The following GDAP2 variants were observed in gnomAD, a reference collection of about 807,000 sequenced individuals.
The protein encoded by GDAP2 is ganglioside-induced differentiation-associated protein 2.
Under a neutral mutation model 67.0 loss-of-function variants are expected in GDAP2, and 51 were observed. The ratio of observed to expected loss-of-function variants is 0.76; its 90% CI spans 0.61 to 0.96. The LOEUF is 0.96. Among genes scored for constraint, GDAP2 ranks in the 40% least tolerant of loss-of-function variants. GDAP2 has a pLI of 0.00. For missense variants in GDAP2, 547 were observed against 588.3 expected, an observed-to-expected ratio of 0.93 and a Z score of 0.73; for synonymous variants, 203 against 207.3, an observed-to-expected ratio of 0.98 and a Z score of 0.18.
chr1:117,891,593 T>C (rs768932610), intron 8 of GDAP2, among the ~76,000 whole-genome samples: 3 of 152,102 alleles, frequency 2.0e-5, no homozygotes, highest in Non-Finnish European at 2.9e-5. Flanking sequence ...GGTTATTTGA[T>C]TGTTTCTCAC....
intron 8 of GDAP2, among the ~76,000 whole-genome samples, chr1:117,889,808 G>A (rs1649004070): frequency 6.6e-6 from 1 of 152,006 alleles, no homozygotes; most frequent in South Asian, 2.1e-4. Flanking sequence ...ACAGCAAAAT[G>A]TATATTACAT....
At chr1:117,920,765 G>C (rs1206001342) in intron 1 of GDAP2, among the ~76,000 whole-genome samples, 1 of 151,714 alleles carries the variant, frequency 6.6e-6, no homozygotes, top group African/African-American at 2.4e-5. Context: ...AATAGATGCT[G>C]CAAGAGATAC....
chr1:117,888,018 A>G (rs893515484), intron 8 of GDAP2, among the ~76,000 whole-genome samples: 1 of 152,190 alleles, frequency 6.6e-6, no homozygotes, highest in Non-Finnish European at 1.5e-5. Context: ...CTTATAATCA[A>G]ATGAAGGTTG....
At chr1:117,903,656 G>A (rs1649556410) in intron 6 of GDAP2, among the ~76,000 whole-genome samples, 1 of 151,978 alleles carries the variant, frequency 6.6e-6, no homozygotes, top group South Asian at 2.1e-4. Flanking sequence ...TCTTTTGTAT[G>A]TTGCTGGATT....
chr1:117,904,351 A>G (rs1427658323), intron 6 of GDAP2, among the ~76,000 whole-genome samples: 1 of 152,172 alleles, frequency 6.6e-6, no homozygotes, highest in East Asian at 1.9e-4. Context: ...TTAATCACAT[A>G]CTATTTTGTG....
Position 117,912,695 on chromosome 1 carries a change from G to A in GDAP2, c.317-12C>T, listed in dbSNP as rs1649902879. 4 of 1,608,218 alleles carry A rather than the reference G, an allele frequency of 2.5e-6. 1 individual carries two copies. The highest frequency in any genetic ancestry group is 1.7e-4 in the Middle Eastern group (1 of 6,028). ...ACCTGTTCGGCACCCTGAAAACAATGGAAACACACATAAGTTTGGATGTGT... is the reference window on the plus strand; with the variant it reads ...ACCTGTTCGGCACCCTGAAAACAATAGAAACACACATAAGTTTGGATGTGT... On this transcript the variant is annotated splice_polypyrimidine_tract_variant and intron_variant, in intron 3 of 13. Transcript: ENST00000369443.
chr1:117,876,869 C>A (rs945354765), intron 13 of GDAP2, among the ~76,000 whole-genome samples: 1 of 152,166 alleles, frequency 6.6e-6, no homozygotes, highest in African/African-American at 2.4e-5. Flanking sequence ...AATCCAGATA[C>A]TAGCTATGAA....
chr1:117,904,069 T>G (rs1188889196), intron 6 of GDAP2, among the ~76,000 whole-genome samples: 7 of 151,842 alleles, frequency 4.6e-5, no homozygotes, highest in Non-Finnish European at 1.0e-4. Context: ...TCACTGCAAC[T>G]TCTGCTTCCT....
chr1:117,901,223 C>A (rs546102407), intron 6 of GDAP2, among the ~76,000 whole-genome samples: 1 of 152,058 alleles, frequency 6.6e-6, no homozygotes, highest in East Asian at 1.9e-4. Flanking sequence ...CACACATGCA[C>A]GCACACATAC....
chr1:117,901,769 A>C (rs1307793520), intron 6 of GDAP2, among the ~76,000 whole-genome samples: 1 of 152,226 alleles, frequency 6.6e-6, no homozygotes, highest in Non-Finnish European at 1.5e-5. Flanking sequence ...AGGGATAACT[A>C]ATTCCTAAAG....
chr1:117,889,749 T>A, intron 8 of GDAP2, among the ~76,000 whole-genome samples: 1 of 152,136 alleles, frequency 6.6e-6, no homozygotes, highest in East Asian at 1.9e-4. Context: ...GAGTTTATTA[T>A]GTTTTTTAAA....
Position 117,902,235 on chromosome 1 carries a change from G to A in GDAP2, c.637-3019C>T, listed in dbSNP as rs192583415. 2.7e-4 allele frequency among the ~76,000 whole-genome samples: 41 copies of A among 152,134 alleles called. No homozygotes were observed. In the East Asian group the frequency reaches 3.7e-3, roughly 14 times the overall value. ...AGTCACCTTTGTAAATTAAAACCTA[G>A]GCATGAAACATGTCTGTTCAAAACT... On this transcript the variant is annotated intron_variant, in intron 6 of 13. Transcript: ENST00000369443.
chr1:117,885,961 T>C (rs1648839043), intron 10 of GDAP2, among the ~76,000 whole-genome samples: 1 of 152,156 alleles, frequency 6.6e-6, no homozygotes, highest in African/African-American at 2.4e-5. Flanking sequence ...AGTGTAAGTT[T>C]TCAGAAATGA....
At chr1:117,907,378 T>G (rs1441597053) in intron 5 of GDAP2, among the ~76,000 whole-genome samples, 2 of 152,330 alleles carry the variant, frequency 1.3e-5, no homozygotes, top group East Asian at 1.9e-4. Flanking sequence ...TTCTTTATTC[T>G]GAGGAAAAGA....
intron 8 of GDAP2, among the ~76,000 whole-genome samples, chr1:117,893,688 G>A (rs1227723402): frequency 6.6e-6 from 1 of 152,138 alleles, no homozygotes; most frequent in Non-Finnish European, 1.5e-5. Flanking sequence ...ATACGGCTGA[G>A]CATGCAAACA....
chr1:117,889,897 T>C (rs188316288), intron 8 of GDAP2, among the ~76,000 whole-genome samples: 9 of 152,246 alleles, frequency 5.9e-5, no homozygotes, highest in East Asian at 1.9e-4. Flanking sequence ...ACTCTGTTCA[T>C]GTATCCATTG....
chr1:117,916,263 G>T (rs1557809216), intron 3 of GDAP2, among the ~76,000 whole-genome samples: 1 of 152,160 alleles, frequency 6.6e-6, no homozygotes, highest in Non-Finnish European at 1.5e-5. Context: ...AATAAGGGTT[G>T]ACAACTGAGA....
At chr1:117,921,853 T>C (rs886883005) in intron 1 of GDAP2, among the ~76,000 whole-genome samples, 2 of 152,168 alleles carry the variant, frequency 1.3e-5, no homozygotes, top group South Asian at 2.1e-4. Flanking sequence ...ATGGTAGTGA[T>C]GAGAAATGTT....
intron 5 of GDAP2, among the ~76,000 whole-genome samples, chr1:117,910,730 A>T (rs1434737231): frequency 2.0e-5 from 3 of 152,186 alleles, no homozygotes; most frequent in African/African-American, 7.2e-5. Flanking sequence ...TGGTCCTGTA[A>T]CCTCTGCATG....
Sources: allele counts gnomAD v4.1 joint callset (sites outside exome capture counted in the v4.1 genomes callset), GRCh38; gene constraint gnomAD v4.1.1; transcripts MANE v1.5; gene names NCBI Gene and HGNC (gene_info 2026-07-23, HGNC 2026-07-21).